The following PDE1C variants were observed in gnomAD, a reference collection of about 807,000 sequenced individuals.
PDE1C encodes phosphodiesterase 1C.
Under a neutral mutation model 93.1 loss-of-function variants are expected in PDE1C, and 62 were observed. That is an observed-to-expected ratio of 0.67 (90% confidence interval 0.54 to 0.82). The LOEUF (loss-of-function observed/expected upper bound fraction) is 0.82, where lower values mean the gene tolerates loss of function less well. Among genes scored for constraint, PDE1C ranks in the 40% least tolerant of loss-of-function variants. The pLI is 0.00. For synonymous variants in PDE1C, 325 were observed against 310.1 expected, an observed-to-expected ratio of 1.05 and a Z score of -0.50; for missense variants, 742 against 884.6, an observed-to-expected ratio of 0.84 and a Z score of 2.04.
chr7:31,686,305 C>T, the PDE1C span, among the ~76,000 whole-genome samples: 2 of 152,156 alleles, frequency 1.3e-5, no homozygotes, highest in African/African-American at 2.4e-5. Context: ...GGCTCTCCTC[C>T]AGTGAGCAGA....
At position 31,879,058 on chromosome 7, in the gene PDE1C, G is replaced by A. The variant is rs140391139; in HGVS notation, c.363C>T (p.Ser121=). ...TGCTCTTGAACCGGGGCTTCTCGTC[G>A]CTCCTCCTGAGCATCATCCCCATCT... ...TRQMGMMLRR[S]DEKPRFKSIV... The change falls in exon 4 of 18, where the codon AGC becomes AGT. Residue 121 remains serine, a synonymous_variant. Coordinates refer to ENST00000396191, the MANE Select transcript of PDE1C (RefSeq NM_001191057.4). 16 of 1,614,040 alleles carry A rather than the reference G, an allele frequency of 9.9e-6. No individual in the cohort carries two copies. The highest frequency in any genetic ancestry group is 2.2e-5 in the East Asian group (1 of 44,868).
intron 1 of PDE1C, among the ~76,000 whole-genome samples, chr7:32,395,287 G>C (rs1032389039): frequency 6.6e-6 from 1 of 152,198 alleles, no homozygotes; most frequent in Non-Finnish European, 1.5e-5. Context: ...GGTACAGGGG[G>C]AAGTGTGCTT....
chr7:31,853,241 C>T (rs1227593486), intron 7 of PDE1C, among the ~76,000 whole-genome samples: 1 of 152,106 alleles, frequency 6.6e-6, no homozygotes, highest in African/African-American at 2.4e-5. Context: ...AAAAACAAAA[C>T]CATTGTCTTT....
intron 2 of PDE1C, among the ~76,000 whole-genome samples, chr7:32,023,348 T>C (rs913534163): frequency 3.3e-5 from 5 of 152,146 alleles, no homozygotes; most frequent in Non-Finnish European, 7.4e-5. Context: ...TAAGTTCTAA[T>C]TGGGTTTTCT....
chr7:32,191,351 T>C (rs1420716013), intron 2 of PDE1C, among the ~76,000 whole-genome samples: 1 of 116,580 alleles, frequency 8.6e-6, no homozygotes, highest in Non-Finnish European at 2.1e-5. Flanking sequence ...AGATCCCTCA[T>C]GTTATCCTGT....
chr7:32,015,993 A>ACC lies in PDE1C; in HGVS notation c.128+35559_128+35560dup, dbSNP rs58211351. Among the ~76,000 whole-genome samples, 803 of 152,244 alleles carry ACC rather than the reference A, an allele frequency of 5.3e-3. 7 individuals are homozygous for ACC. Among genetic ancestry groups the ACC allele is most frequent in the African/African-American group, 0.019 (771 of 41,552 alleles). ...AGGCGGAAACGGCTTTCCATAAGAC[A>ACC]CCCATCAGTATGCCATGTCAGTTTA... is the stretch of plus-strand genomic sequence containing the variant. On this transcript the variant is annotated intron_variant, in intron 2 of 17. Coordinates refer to ENST00000396191, the MANE Select transcript of PDE1C (RefSeq NM_001191057.4).
intron 17 of PDE1C, among the ~76,000 whole-genome samples, chr7:31,763,148 T>G (rs970174998): frequency 6.6e-6 from 1 of 152,192 alleles, no homozygotes; most frequent in African/African-American, 2.4e-5. Context: ...GGACTGAGTC[T>G]GTTTTGAGAG....
intron 1 of PDE1C, among the ~76,000 whole-genome samples, chr7:32,310,755 G>A (rs921423823): frequency 6.6e-6 from 1 of 151,908 alleles, no homozygotes; most frequent in Non-Finnish European, 1.5e-5. Flanking sequence ...TCAAAGCAGT[G>A]TGTAGAGGGA....
At chr7:31,967,316 A>G (rs1260231142) in intron 2 of PDE1C, among the ~76,000 whole-genome samples, 1 of 152,276 alleles carries the variant, frequency 6.6e-6, no homozygotes, top group Admixed American at 6.5e-5. Flanking sequence ...CTACTATCAG[A>G]GAATACCATA....
chr7:31,921,906 A>C (rs1802674779), intron 2 of PDE1C, among the ~76,000 whole-genome samples: 1 of 152,208 alleles, frequency 6.6e-6, no homozygotes, highest in Non-Finnish European at 1.5e-5. Flanking sequence ...AGTATTTTAT[A>C]CACTTAGCTC....
At chr7:31,688,868 T>TCAAG in the PDE1C span, among the ~76,000 whole-genome samples, 3 of 152,232 alleles carry the variant, frequency 2.0e-5, no homozygotes, top group East Asian at 5.8e-4. Flanking sequence ...ATTCGATCAA[T>TCAAG]ACTCTTTCAT....
intron 2 of PDE1C, among the ~76,000 whole-genome samples, chr7:32,003,949 T>G (rs1025837719): frequency 6.6e-6 from 1 of 152,174 alleles, no homozygotes; most frequent in South Asian, 2.1e-4. Context: ...GGAAGACCTT[T>G]CTAACAAGGT....
At chr7:31,673,440 C>T in the PDE1C span, among the ~76,000 whole-genome samples, 1 of 152,130 alleles carries the variant, frequency 6.6e-6, no homozygotes, top group African/African-American at 2.4e-5. Context: ...GTGTGTGTCT[C>T]TCTCTCTTTA....
intron 1 of PDE1C, among the ~76,000 whole-genome samples, chr7:32,408,553 C>T (rs969414497): frequency 1.3e-5 from 2 of 152,120 alleles, no homozygotes. Context: ...CTTTGGGAGG[C>T]CAAGGCAGGC....
At chr7:31,676,787 A>T in the PDE1C span, among the ~76,000 whole-genome samples, 1 of 152,186 alleles carries the variant, frequency 6.6e-6, no homozygotes, top group Non-Finnish European at 1.5e-5. Context: ...ATTTAAATAG[A>T]CAATTCATTA....
intron 2 of PDE1C, among the ~76,000 whole-genome samples, chr7:31,909,781 T>A (rs1369106378): frequency 6.6e-6 from 1 of 152,174 alleles, no homozygotes; most frequent in Non-Finnish European, 1.5e-5. Context: ...CTAAGTACCT[T>A]TCCCAAGGTC....
chr7:32,418,565 A>G (rs117241305), intron 1 of PDE1C, among the ~76,000 whole-genome samples: 2 of 152,298 alleles, frequency 1.3e-5, no homozygotes, highest in East Asian at 3.9e-4. Flanking sequence ...CGTGACAATA[A>G]TCAGATATGG....
the PDE1C span, among the ~76,000 whole-genome samples, chr7:31,621,946 G>T: frequency 0.11 from 16,838 of 147,912 alleles, 1,058 homozygotes; most frequent in Middle Eastern, 0.16. Flanking sequence ...AAAGGCAGGG[G>T]TTGCAATCCT....
chr7:31,836,351 T>C (rs145634228), intron 11 of PDE1C, among the ~76,000 whole-genome samples: 1 of 152,272 alleles, frequency 6.6e-6, no homozygotes, highest in Admixed American at 6.5e-5. Context: ...TTTTTCTTTT[T>C]CTGAGACAGA....
Sources: allele counts gnomAD v4.1 joint callset (sites outside exome capture counted in the v4.1 genomes callset), GRCh38; gene constraint gnomAD v4.1.1; transcripts MANE v1.5; gene names NCBI Gene and HGNC (gene_info 2026-07-23, HGNC 2026-07-21).